TAF4B: variants seen among roughly 807,000 people sequenced by gnomAD.
TAF4B encodes the protein TATA-box binding protein associated factor 4b.
TAF4B carries 38 observed loss-of-function variants against 86.4 expected under a neutral mutation model. The observed-to-expected ratio is 0.44, with a 90% CI of 0.34 to 0.58. The LOEUF is 0.58. TAF4B is among the 20% of genes least tolerant of loss of function. TAF4B has a pLI of 0.02. For missense variants in TAF4B, 988 were observed against 1,027.6 expected, an observed-to-expected ratio of 0.96 and a Z score of 0.53; for synonymous variants, 388 against 391.2, an observed-to-expected ratio of 0.99 and a Z score of 0.10.
chr18:26,226,529 A>C lies in TAF4B; in HGVS notation c.-405A>C. The C allele has an allele frequency of 6.3e-6, 1 of 157,574 alleles. No homozygotes were observed. 9.8% of individuals were successfully genotyped at this position (157,574 alleles called of 1,614,324 possible). A position where few individuals can be genotyped will look rare whatever the true frequency, so the allele number is the denominator to read the frequency against. ...GGGGCTGTGGGCACTCGGGGTTCGTAGTTTTGAAATTTCTGGCGGGGGAGC... is the reference window on the plus strand; with the variant it reads ...GGGGCTGTGGGCACTCGGGGTTCGTCGTTTTGAAATTTCTGGCGGGGGAGC... On this transcript the variant is annotated 5_prime_UTR_variant, in exon 1 of 15. Coordinates refer to ENST00000269142, the MANE Select transcript of TAF4B (RefSeq NM_005640.3).
At chr18:26,311,824 A>G (rs1419162488) in intron 9 of TAF4B, among the ~76,000 whole-genome samples, 1 of 152,134 alleles carries the variant, frequency 6.6e-6, no homozygotes, top group East Asian at 1.9e-4. Flanking sequence ...CAGGAAAATA[A>G]CGTGACTGAC....
At position 26,299,161 on chromosome 18, in the gene TAF4B, C is replaced by CT. The variant is rs1253881785; in HGVS notation, c.1832+5640dup. 2.4e-3 allele frequency among the ~76,000 whole-genome samples: 357 copies of CT among 150,552 alleles called. 3 individuals are homozygous for CT. Among genetic ancestry groups the CT allele is most frequent in the African/African-American group, 8.3e-3 (338 of 40,834 alleles). On this transcript the variant is annotated intron_variant, in intron 9 of 14. Coordinates refer to ENST00000269142, the MANE Select transcript of TAF4B (RefSeq NM_005640.3). The stretch of plus-strand genomic sequence containing the variant: ...CAGGCGTGAGCCACCATGCCCAGCC[C>CT]TTTTTTTTTTCTTTTTTAAGGCACA...
intron 6 of TAF4B, among the ~76,000 whole-genome samples, chr18:26,284,788 G>C (rs1375105269): frequency 6.6e-6 from 1 of 152,052 alleles, no homozygotes; most frequent in Non-Finnish European, 1.5e-5. Flanking sequence ...AGAATCTCTT[G>C]AACTCAGGAG....
intron 5 of TAF4B, among the ~76,000 whole-genome samples, chr18:26,278,711 A>G (rs1474897012): frequency 6.7e-6 from 1 of 149,944 alleles, no homozygotes; most frequent in African/African-American, 2.5e-5. Context: ...AGTTTTACCC[A>G]TTGTTGCCTT....
Position 26,226,928 on chromosome 18 carries a change from TG to T in TAF4B, c.-1del. 2.2e-6 allele frequency: 3 copies of T among 1,370,456 alleles called. No homozygotes were observed. Among genetic ancestry groups the T allele is most frequent in the Non-Finnish European group, 2.8e-6 (3 of 1,071,398 alleles). 84.9% of individuals were successfully genotyped at this position (1,370,456 alleles called of 1,614,324 possible). Reference sequence around the variant, plus strand: ...AGCGCCAAAGCTGCCGCTGAGCCCCTGGGGGATGCCCGCCGGCCTCACCGAA... The same window carrying T: ...AGCGCCAAAGCTGCCGCTGAGCCCCTGGGGATGCCCGCCGGCCTCACCGAA... On this transcript the variant is annotated 5_prime_UTR_variant, in exon 1 of 15. Transcript: ENST00000269142.
intron 6 of TAF4B, among the ~76,000 whole-genome samples, chr18:26,282,942 A>C (rs1341619228): frequency 6.6e-6 from 1 of 152,168 alleles, no homozygotes; most frequent in Non-Finnish European, 1.5e-5. Context: ...CATCTCTTTC[A>C]GTTTTGTCCT....
chr18:26,331,287 T>C (rs185486302), intron 12 of TAF4B, among the ~76,000 whole-genome samples: 2 of 152,352 alleles, frequency 1.3e-5, no homozygotes, highest in East Asian at 1.9e-4. Flanking sequence ...AGTTTAGTTA[T>C]TATTGAATAT....
intron 9 of TAF4B, among the ~76,000 whole-genome samples, chr18:26,300,506 GTTTCC>G (rs983127475): frequency 2.1e-5 from 3 of 143,600 alleles, no homozygotes; most frequent in Non-Finnish European, 4.5e-5. Flanking sequence ...TGTCAAGATA[GTTTCC>G]TTTCTTTAAT....
intron 3 of TAF4B, among the ~76,000 whole-genome samples, chr18:26,268,008 CT>C (rs2056263954): frequency 6.6e-6 from 1 of 152,126 alleles, no homozygotes; most frequent in Non-Finnish European, 1.5e-5. Flanking sequence ...TAGTGGAGAA[CT>C]TTGGAGGATA....
At chr18:26,249,211 G>T (rs1233282612) in intron 1 of TAF4B, among the ~76,000 whole-genome samples, 1 of 152,016 alleles carries the variant, frequency 6.6e-6, no homozygotes, top group Non-Finnish European at 1.5e-5. Flanking sequence ...GGGTGCGGTG[G>T]CTCATGCCTG....
intron 5 of TAF4B, among the ~76,000 whole-genome samples, chr18:26,279,035 G>T (rs191762322): frequency 6.6e-6 from 1 of 151,678 alleles, no homozygotes; most frequent in Admixed American, 6.6e-5. Flanking sequence ...GAGCAGTCAG[G>T]CAAGAGAAAG....
Position 26,226,925 on chromosome 18 carries a change from C to T in TAF4B, c.-9C>T, listed in dbSNP as rs899913177. ...CGCAGCGCCAAAGCTGCCGCTGAGC[C>T]CCTGGGGGATGCCCGCCGGCCTCAC... On this transcript the variant is annotated 5_prime_UTR_variant, in exon 1 of 15. Coordinates refer to ENST00000269142, the MANE Select transcript of TAF4B (RefSeq NM_005640.3). 8.5e-5 allele frequency: 116 copies of T among 1,369,270 alleles called. 1 individual carries two copies. The highest frequency in any genetic ancestry group is 1.7e-5 in the South Asian group (1 of 58,540). The allele number at this position is 1,369,270 out of a possible 1,614,324, so 84.8% of individuals were successfully genotyped here. A position where few individuals can be genotyped will look rare whatever the true frequency, so the allele number is the denominator to read the frequency against.
chr18:26,318,744 TATTACCA>T (rs1185674155), intron 10 of TAF4B, among the ~76,000 whole-genome samples: 1 of 152,246 alleles, frequency 6.6e-6, no homozygotes, highest in Admixed American at 6.5e-5. Context: ...AGTTGTATTT[TATTACCA>T]ATTTAGTGAA....
intron 1 of TAF4B, among the ~76,000 whole-genome samples, chr18:26,234,473 ATTC>A (rs1003634641): frequency 9.2e-5 from 14 of 152,154 alleles, no homozygotes; most frequent in Non-Finnish European, 1.8e-4. Flanking sequence ...ATACACATTT[ATTC>A]TTTTTTCCTT....
intron 13 of TAF4B, among the ~76,000 whole-genome samples, chr18:26,344,642 A>G (rs1169641847): frequency 2.0e-5 from 3 of 152,222 alleles, no homozygotes; most frequent in Admixed American, 6.5e-5. Context: ...GGAAAACATA[A>G]TAGGCTATTC....
intron 8 of TAF4B, among the ~76,000 whole-genome samples, chr18:26,293,070 C>T (rs1325658213): frequency 1.3e-5 from 2 of 152,134 alleles, no homozygotes; most frequent in African/African-American, 2.4e-5. Flanking sequence ...TTACCCAAGT[C>T]AGGTAGACTG....
intron 3 of TAF4B, among the ~76,000 whole-genome samples, chr18:26,268,358 G>A (rs2056268989): frequency 1.3e-5 from 2 of 152,116 alleles, no homozygotes; most frequent in Non-Finnish European, 2.9e-5. Context: ...AGGCTAATAC[G>A]ATGAACTACA....
rs944916834 is a variant in TAF4B at position 26,267,387 on chromosome 18, A to C, written c.490-129A>C. ...ATAGTATAGAATGTGCATAAAACAC[A>C]TTAGGTTATAACTCCAGTCATAACA... On this transcript the variant is annotated intron_variant, in intron 2 of 14. Transcript: ENST00000269142. 3.1e-5 allele frequency: 20 copies of C among 641,680 alleles called. No individual in the cohort carries two copies. In the African/African-American group the frequency reaches 3.6e-4, roughly 11 times the overall value. 39.7% of individuals were successfully genotyped at this position (641,680 alleles called of 1,614,324 possible). A position where few individuals can be genotyped will look rare whatever the true frequency, so the allele number is the denominator to read the frequency against.
At chr18:26,368,745 T>G (rs2057387834) in intron 14 of TAF4B, among the ~76,000 whole-genome samples, 1 of 152,164 alleles carries the variant, frequency 6.6e-6, no homozygotes, top group Non-Finnish European at 1.5e-5. Flanking sequence ...TTGTTCACAC[T>G]TCATGAACAA....
Sources: gnomAD v4.1 joint callset for allele counts (sites outside exome capture counted in the v4.1 genomes callset) on GRCh38, gnomAD v4.1.1 for gene constraint, MANE v1.5 for transcripts, NCBI Gene and HGNC (gene_info 2026-07-23, HGNC 2026-07-21) for gene names.